Variants in G3BP2 observed in about 807,000 individuals in gnomAD.
The protein encoded by G3BP2 is ras GTPase-activating protein-binding protein 2.
A neutral mutation model predicts 56.7 loss-of-function variants in G3BP2; 11 were observed. The observed-to-expected ratio is 0.19, with a 90% CI of 0.12 to 0.32. The LOEUF (loss-of-function observed/expected upper bound fraction) is 0.32. Ranked by LOEUF, G3BP2 falls within the 10% of genes least tolerant of loss-of-function variation. The pLI is 1.00. For missense variants in G3BP2, 340 were observed against 610.9 expected, an observed-to-expected ratio of 0.56 and a Z score of 4.67; for synonymous variants, 165 against 191.6, an observed-to-expected ratio of 0.86 and a Z score of 1.15.
At chr4:75,704,848 G>A (rs980534081) in intron 3 of G3BP2, among the ~76,000 whole-genome samples, 1 of 151,990 alleles carries the variant, frequency 6.6e-6, no homozygotes, top group African/African-American at 2.4e-5. Flanking sequence ...GGCCAGGCTG[G>A]TCTCAAACTC....
At chr4:75,714,730 G>T (rs1020168335) in intron 3 of G3BP2, among the ~76,000 whole-genome samples, 12 of 152,176 alleles carry the variant, frequency 7.9e-5, no homozygotes, top group African/African-American at 2.9e-4. Context: ...AAAGTTAAAA[G>T]GGTAGAAGAA....
intron 3 of G3BP2, among the ~76,000 whole-genome samples, chr4:75,720,517 AAT>A (rs1439735228): frequency 4.7e-5 from 6 of 128,064 alleles, no homozygotes; most frequent in Non-Finnish European, 9.7e-5. Flanking sequence ...AAAAAAAAAA[AAT>A]ATTTTGAGGG....
chr4:75,682,309 G>A (rs1734110553), intron 3 of G3BP2, among the ~76,000 whole-genome samples: 1 of 151,958 alleles, frequency 6.6e-6, no homozygotes, highest in Non-Finnish European at 1.5e-5. Context: ...CAGCTGCTCG[G>A]GAGGGCTGAG....
At chr4:75,694,967 G>A (rs1464020775) in intron 3 of G3BP2, 1 of 983,472 alleles carries the variant, frequency 1.0e-6, no homozygotes, top group East Asian at 1.1e-4. Flanking sequence ...ACTGTGAGAA[G>A]AGGTAATCGT....
At chr4:75,672,452 C>G (rs1021321163) in intron 1 of G3BP2, 1 of 152,172 alleles carries the variant, frequency 6.6e-6, no homozygotes, top group Non-Finnish European at 1.5e-5. Context: ...AAGCCATTCC[C>G]GAGTCAATAA....
At chr4:75,668,712 CA>C (rs1733252428) in intron 1 of G3BP2, among the ~76,000 whole-genome samples, 1 of 152,122 alleles carries the variant, frequency 6.6e-6, no homozygotes. Context: ...ACTTCTCCTC[CA>C]ATACTCATCT....
intron 3 of G3BP2, among the ~76,000 whole-genome samples, chr4:75,687,616 T>C (rs145054547): frequency 6.6e-6 from 1 of 152,364 alleles, no homozygotes; most frequent in East Asian, 1.9e-4. Context: ...TAGGAATACA[T>C]TTTTCAAATC....
chr4:75,691,439 C>T (rs1718852702), intron 3 of G3BP2, among the ~76,000 whole-genome samples: 1 of 152,004 alleles, frequency 6.6e-6, no homozygotes, highest in Admixed American at 6.6e-5. Context: ...AAACTCCTGG[C>T]CTCAAGCAAT....
At chr4:75,721,937 GA>G (rs1720194138) in intron 2 of G3BP2, among the ~76,000 whole-genome samples, 1 of 152,132 alleles carries the variant, frequency 6.6e-6, no homozygotes, top group East Asian at 1.9e-4. Context: ...ATGAAAGCCA[GA>G]AGTATTAACA....
At chr4:75,700,701 G>A (rs1455412670) in intron 3 of G3BP2, among the ~76,000 whole-genome samples, 4 of 149,944 alleles carry the variant, frequency 2.7e-5, no homozygotes, top group South Asian at 4.2e-4. Flanking sequence ...TTACAGGCAT[G>A]AGCCACTGCG....
chr4:75,718,519 C>T (rs908036963), intron 3 of G3BP2, among the ~76,000 whole-genome samples: 4 of 152,110 alleles, frequency 2.6e-5, no homozygotes, highest in African/African-American at 9.7e-5. Context: ...ATACAGTGAG[C>T]ATGTATTGTT....
At chr4:75,654,424 T>C (rs1398425663) in intron 7 of G3BP2, among the ~76,000 whole-genome samples, 2 of 152,188 alleles carry the variant, frequency 1.3e-5, no homozygotes, top group East Asian at 3.8e-4. Flanking sequence ...GGGGGTAAGA[T>C]AGGGTGTGTG....
Position 75,648,702 on chromosome 4 carries a change from G to T in G3BP2, c.865C>A (p.Pro289Thr), listed in dbSNP as rs779591427. ...EAKPEVQSQP[P>T]RVREQRPRER... ...CTAGGTCGTTGTTCACGCACACGAG[G>T]TGGCTGAGATTGAACTTCTGGTTTA... is the stretch of plus-strand genomic sequence containing the variant. Residue 289 changes from proline (P) to threonine (T), a missense_variant, in exon 9 of 12, where the codon CCT (proline) becomes ACT (threonine). This residue lies in a region of G3BP2 where 224 missense variants were observed against 332.5 expected (regional missense o/e 0.67). Coordinates refer to ENST00000359707, the MANE Select transcript of G3BP2 (RefSeq NM_203505.3). 1.1e-5 allele frequency: 18 copies of T among 1,609,000 alleles called. No individual in the cohort carries two copies. Among genetic ancestry groups the T allele is most frequent in the Non-Finnish European group, 1.4e-5 (17 of 1,176,176 alleles).
At position 75,661,957 on chromosome 4, in the gene G3BP2, C is replaced by T; in HGVS notation, c.69G>A (p.Leu23=). Residue 23 remains leucine, a synonymous_variant, in exon 2 of 12, where the codon CTG becomes CTA. Coordinates refer to ENST00000359707, the MANE Select transcript of G3BP2 (RefSeq NM_203505.3). ...TGTGTAAATATTCCGGAGCTTTATTCAGCAAAGTATAATATTGCCTCACAA... is the reference window on the plus strand; with the variant it reads ...TGTGTAAATATTCCGGAGCTTTATTTAGCAAAGTATAATATTGCCTCACAA... ...REFVRQYYTL[L]NKAPEYLHRF... is the part of the protein sequence containing the mutation. 1.3e-6 allele frequency: 2 copies of T among 1,591,904 alleles called. No homozygotes were observed. The highest frequency in any genetic ancestry group is 1.7e-6 in the Non-Finnish European group (2 of 1,159,966).
chr4:75,706,664 C>T (rs1416218950), intron 3 of G3BP2, among the ~76,000 whole-genome samples: 2 of 127,828 alleles, frequency 1.6e-5, no homozygotes, highest in Non-Finnish European at 3.2e-5. Flanking sequence ...GCAACAAGAG[C>T]GAAACTCTAT....
chr4:75,662,045 A>T lies in G3BP2; in HGVS notation c.-20T>A, dbSNP rs894885075. On this transcript the variant is annotated 5_prime_UTR_variant, in exon 2 of 12. Transcript: ENST00000359707. ...AACCATTTCTTTGCTGCACAATGTC[A>T]AATGCTGAGGGAGCAAACACAAGAA... 1.8e-5 allele frequency: 28 copies of T among 1,523,810 alleles called. No individual in the cohort carries two copies. Among genetic ancestry groups the T allele is most frequent in the Non-Finnish European group, 2.5e-5 (28 of 1,103,134 alleles). 94.4% of individuals were successfully genotyped at this position (1,523,810 alleles called of 1,614,324 possible).
intron 3 of G3BP2, among the ~76,000 whole-genome samples, chr4:75,681,749 T>C (rs1047677274): frequency 4.0e-5 from 6 of 149,396 alleles, no homozygotes; most frequent in African/African-American, 1.5e-4. Flanking sequence ...CTCGGGAGGC[T>C]GAGGCAGGAG....
chr4:75,692,552 C>T (rs1411666650), intron 3 of G3BP2, among the ~76,000 whole-genome samples: 5 of 152,074 alleles, frequency 3.3e-5, no homozygotes. Flanking sequence ...CCTTGTGATC[C>T]ACCCACCTCG....
chr4:75,718,169 T>A (rs1364238698), intron 3 of G3BP2, among the ~76,000 whole-genome samples: 1 of 149,924 alleles, frequency 6.7e-6, no homozygotes, highest in Non-Finnish European at 1.5e-5. Context: ...AATAAATAAA[T>A]AAAAATAAAA....
Sources: allele counts gnomAD v4.1 joint callset (sites outside exome capture counted in the v4.1 genomes callset), GRCh38; gene constraint gnomAD v4.1.1; regional missense constraint gnomAD v4.1.1; transcripts MANE v1.5; gene names NCBI Gene and HGNC (gene_info 2026-07-23, HGNC 2026-07-21).